The following PARP8 variants were observed in gnomAD, a reference collection of about 807,000 sequenced individuals.
The protein encoded by PARP8 is poly(ADP-ribose) polymerase family member 8.
In PARP8, 51 loss-of-function variants were observed where a neutral mutation model predicts 124.1. The observed-to-expected ratio is 0.41, with a 90% CI of 0.33 to 0.52. The LOEUF is 0.52. Among genes scored for constraint, PARP8 ranks in the 20% least tolerant of loss-of-function variants. The pLI is 0.21. For synonymous variants in PARP8, 391 were observed against 361.5 expected (o/e 1.08, Z -0.93); for missense variants, 860 against 1,018.9 (o/e 0.84, Z 2.12).
At chr5:50,800,477 A>G (rs1388787399) in intron 14 of PARP8, among the ~76,000 whole-genome samples, 2 of 148,280 alleles carry the variant, frequency 1.3e-5, no homozygotes, top group Non-Finnish European at 2.9e-5. Context: ...AGAAGTGGCA[A>G]GAAAAGAAAT....
intron 2 of PARP8, among the ~76,000 whole-genome samples, chr5:50,731,684 A>G (rs1279764391): frequency 6.6e-5 from 10 of 152,288 alleles, no homozygotes; most frequent in Admixed American, 6.5e-4. Flanking sequence ...TTCTTACTAT[A>G]CTCAGTTATG....
intron 7 of PARP8, among the ~76,000 whole-genome samples, chr5:50,771,622 C>G (rs1264545814): frequency 1.3e-5 from 2 of 152,184 alleles, no homozygotes; most frequent in Non-Finnish European, 2.9e-5. Context: ...GTACAAATTT[C>G]TTCTCTGAAC....
intron 14 of PARP8, among the ~76,000 whole-genome samples, chr5:50,803,207 T>G (rs372290573): frequency 3.3e-5 from 5 of 152,292 alleles, no homozygotes; most frequent in African/African-American, 1.2e-4. Context: ...GTTTTCTTGT[T>G]GAGGATTCCT....
intron 10 of PARP8, among the ~76,000 whole-genome samples, chr5:50,792,028 C>G (rs1200033988): frequency 6.6e-6 from 1 of 152,164 alleles, no homozygotes; most frequent in Non-Finnish European, 1.5e-5. Flanking sequence ...GATGTCATCC[C>G]TATGTACTTG....
chr5:50,717,536 T>C (rs1755443211), intron 2 of PARP8, among the ~76,000 whole-genome samples: 1 of 151,876 alleles, frequency 6.6e-6, no homozygotes, highest in Non-Finnish European at 1.5e-5. Flanking sequence ...TTGGGTTTCA[T>C]TGCAATAGAG....
chr5:50,802,898 A>G (rs1743392439), intron 14 of PARP8, among the ~76,000 whole-genome samples: 2 of 152,192 alleles, frequency 1.3e-5, no homozygotes, highest in Admixed American at 1.3e-4. Context: ...ATGCATGTTT[A>G]CCTTTACCCA....
chr5:50,794,911 C>A lies in PARP8; in HGVS notation c.922C>A (p.Gln308Lys). The change falls in exon 12 of 26, where the codon CAG becomes AAG. Residue 308 changes from glutamine to lysine, a missense_variant. Physicochemically the swap from Gln to Lys is moderately conservative, Grantham distance 53. This residue lies in a region of PARP8 where 517 missense variants were observed against 544.2 expected (regional missense o/e 0.95). Transcript: ENST00000281631. ...AAGCAAATCCAAACTGAAATCTGAG[C>A]AGGACGGAATCTCCAAAACGCATAA... The part of the protein sequence containing the change: ...GKSKSKLKSE[Q>K]DGISKTHKLL... 6.2e-7 allele frequency: 1 copy of A among 1,614,182 alleles called. No homozygotes were observed. Among genetic ancestry groups the A allele is most frequent in the Non-Finnish European group, 8.5e-7 (1 of 1,180,024 alleles).
In PARP8 at chr5:50,716,050, C is replaced by T. The variant is rs138902683; in HGVS notation, c.147-34101C>T. On this transcript the variant is annotated intron_variant, in intron 2 of 25. Transcript: ENST00000281631. ...GAATCCAAAATTTACTGTGCTTTAT[C>T]GAAATGAGTAATTCTTTCCAAAAAC... Among the ~76,000 whole-genome samples the T allele has an allele frequency of 4.2e-3, 644 of 152,122 alleles. 4 individuals are homozygous for T. Among genetic ancestry groups the T allele is most frequent in the African/African-American group, 0.015 (622 of 41,528 alleles).
At chr5:50,840,933 G>C (rs1220055554) in intron 25 of PARP8, among the ~76,000 whole-genome samples, 5 of 151,802 alleles carry the variant, frequency 3.3e-5, no homozygotes, top group African/African-American at 1.2e-4. Flanking sequence ...TAGCCAAATA[G>C]ACAACCTTGG....
chr5:50,824,885 G>A lies in PARP8; in HGVS notation c.1861-23G>A, dbSNP rs775779258. On this transcript the variant is annotated intron_variant, in intron 17 of 25. Coordinates refer to ENST00000281631, the MANE Select transcript of PARP8 (RefSeq NM_024615.4). ...AAAATGAATTTTTATGAAAAATCAA[G>A]AAGTATAATGACTTTTTTTCAGGCA... 13 of 1,592,204 alleles carry A rather than the reference G, an allele frequency of 8.2e-6. No homozygotes were observed. In the East Asian group the frequency reaches 2.7e-4, roughly 33 times the overall value.
chr5:50,773,587 G>A (rs1761849223), intron 7 of PARP8, among the ~76,000 whole-genome samples: 1 of 152,118 alleles, frequency 6.6e-6, no homozygotes, highest in Non-Finnish European at 1.5e-5. Context: ...TTGTAAGGTA[G>A]TTTGATGTCT....
At chr5:50,833,497 G>A in intron 23 of PARP8, 1 of 384,980 alleles carries the variant, frequency 2.6e-6, no homozygotes, top group Non-Finnish European at 5.0e-6. Context: ...AGAGAGTATA[G>A]CTAATCTAAT....
chr5:50,764,991 G>A (rs113717129), intron 7 of PARP8, among the ~76,000 whole-genome samples: 1 of 151,878 alleles, frequency 6.6e-6, no homozygotes, highest in Non-Finnish European at 1.5e-5. Flanking sequence ...GCTGGGCGCG[G>A]TGGCTCATGC....
chr5:50,814,613 T>G (rs1402364009), intron 14 of PARP8, among the ~76,000 whole-genome samples: 1 of 151,988 alleles, frequency 6.6e-6, no homozygotes, highest in African/African-American at 2.4e-5. Flanking sequence ...TGAACATAAA[T>G]GATGTTCAGA....
chr5:50,705,645 C>T (rs1223169508), intron 2 of PARP8, among the ~76,000 whole-genome samples: 1 of 151,880 alleles, frequency 6.6e-6, no homozygotes, highest in Non-Finnish European at 1.5e-5. Context: ...ATTAGCTGGG[C>T]GTGATGGCGT....
intron 2 of PARP8, among the ~76,000 whole-genome samples, chr5:50,689,739 A>G (rs1468170723): frequency 1.3e-5 from 2 of 152,156 alleles, no homozygotes; most frequent in Non-Finnish European, 2.9e-5. Context: ...ATGGGATCTA[A>G]TTCATTTTCT....
chr5:50,734,635 G>T (rs1415759483), intron 2 of PARP8, among the ~76,000 whole-genome samples: 3 of 151,850 alleles, frequency 2.0e-5, no homozygotes, highest in Non-Finnish European at 4.4e-5. Context: ...GATGTCTCCG[G>T]GATGGCTAAT....
intron 2 of PARP8, among the ~76,000 whole-genome samples, chr5:50,691,200 C>T (rs762357749): frequency 5.9e-5 from 9 of 152,170 alleles, no homozygotes; most frequent in Admixed American, 3.9e-4. Context: ...AGTAAAACCT[C>T]TCTGGTTTCC....
intron 14 of PARP8, among the ~76,000 whole-genome samples, chr5:50,803,857 C>T (rs1273898889): frequency 3.3e-5 from 5 of 151,988 alleles, no homozygotes; most frequent in African/African-American, 4.8e-5. Flanking sequence ...CTTATTTCTT[C>T]GCATGCCTTT....
Sources: gnomAD v4.1 joint callset for allele counts (sites outside exome capture counted in the v4.1 genomes callset) on GRCh38, gnomAD v4.1.1 for gene constraint, gnomAD v4.1.1 regional missense constraint, MANE v1.5 for transcripts, NCBI Gene and HGNC (gene_info 2026-07-23, HGNC 2026-07-21) for gene names.